The following TOX variants were observed in gnomAD, a reference collection of about 807,000 sequenced individuals.
The protein encoded by TOX is thymocyte selection-associated high mobility group box protein TOX.
TOX carries 11 observed loss-of-function variants against 53.7 expected under a neutral mutation model. The ratio of observed to expected loss-of-function variants is 0.20; its 90% CI spans 0.13 to 0.34. TOX has a LOEUF of 0.34. TOX is among the 10% of genes least tolerant of loss of function. The pLI, the probability that TOX is intolerant of heterozygous loss-of-function variation, is 1.00. For synonymous variants in TOX, 225 were observed against 245.3 expected (o/e 0.92, Z 0.77); for missense variants, 570 against 664.6 (o/e 0.86, Z 1.56).
chr8:59,098,769 A>G (rs1804756153), intron 1 of TOX, among the ~76,000 whole-genome samples: 1 of 152,182 alleles, frequency 6.6e-6, no homozygotes, highest in Admixed American at 6.5e-5. Context: ...GTCCTCCTGT[A>G]GCATCCTCCT....
rs187061810 is a variant in TOX at position 58,915,734 on chromosome 8, T to A, written c.411+23568A>T. On this transcript the variant is annotated intron_variant, in intron 3 of 8. Transcript: ENST00000361421. ...TTTCACGAGCTGAGAGAAGAAGGCTTCAGACGATCAAATTACTCTGAACTA... is the reference window on the plus strand; with the variant it reads ...TTTCACGAGCTGAGAGAAGAAGGCTACAGACGATCAAATTACTCTGAACTA... Among the ~76,000 whole-genome samples the A allele has an allele frequency of 1.4e-4, 21 of 152,076 alleles. No homozygotes were observed. The East Asian group carries it at 3.1e-3, about 22-fold the overall frequency.
At chr8:58,815,799 T>C (rs1333415747) in intron 6 of TOX, 75 bp from the exon 7 acceptor site, 2 of 1,483,080 alleles carry the variant, frequency 1.3e-6, no homozygotes, top group African/African-American at 1.4e-5. Context: ...GCTTTGTGAG[T>C]TTATTAAAGC....
chr8:58,826,769 G>T, intron 6 of TOX, 53 bp downstream of exon 6: 3 of 1,498,832 alleles, frequency 2.0e-6, no homozygotes, highest in Non-Finnish European at 9.0e-7. Context: ...GACTATCAAA[G>T]TCTGCGCCGA....
chr8:58,943,324 C>G (rs936958199), intron 2 of TOX, among the ~76,000 whole-genome samples: 2 of 152,084 alleles, frequency 1.3e-5, no homozygotes, highest in Admixed American at 1.3e-4. Context: ...GAAGAGAAGC[C>G]CTGATTAGAC....
At chr8:58,998,794 C>G (rs1585953245) in intron 1 of TOX, among the ~76,000 whole-genome samples, 1 of 151,896 alleles carries the variant, frequency 6.6e-6, no homozygotes, top group East Asian at 1.9e-4. Context: ...TTCAGATAGT[C>G]TTCCTATTTT....
intron 1 of TOX, among the ~76,000 whole-genome samples, chr8:59,083,911 C>T (rs1804460526): frequency 2.0e-5 from 3 of 152,124 alleles, no homozygotes; most frequent in Admixed American, 2.0e-4. Context: ...ACATTTTTAA[C>T]TTTAAGTTAA....
intron 1 of TOX, among the ~76,000 whole-genome samples, chr8:59,052,482 T>C (rs1414692115): frequency 6.6e-6 from 1 of 152,228 alleles, no homozygotes; most frequent in Non-Finnish European, 1.5e-5. Flanking sequence ...TTTATAACTT[T>C]CTTAACTTTC....
At chr8:58,903,012 G>A (rs1811755101) in intron 3 of TOX, among the ~76,000 whole-genome samples, 1 of 152,168 alleles carries the variant, frequency 6.6e-6, no homozygotes, top group African/African-American at 2.4e-5. Flanking sequence ...TCATGAAAAT[G>A]AGAATAGTTG....
At chr8:58,840,149 T>C (rs826733) in intron 4 of TOX, among the ~76,000 whole-genome samples, 134,982 of 152,236 alleles carry the variant, frequency 0.89, 59,942 homozygotes, top group African/African-American at 0.95. Flanking sequence ...AAGATATACC[T>C]AAGCACCGAA....
intron 3 of TOX, among the ~76,000 whole-genome samples, chr8:58,923,017 T>A (rs1348242853): frequency 3.3e-5 from 5 of 152,062 alleles, no homozygotes; most frequent in Non-Finnish European, 7.4e-5. Flanking sequence ...TGTGACTAGC[T>A]CGGTGAGGGG....
chr8:58,831,128 C>T (rs963995155), intron 5 of TOX, among the ~76,000 whole-genome samples: 2 of 152,090 alleles, frequency 1.3e-5, no homozygotes, highest in Non-Finnish European at 1.5e-5. Context: ...GCTATGGATT[C>T]CTTTTGAGGA....
intron 3 of TOX, among the ~76,000 whole-genome samples, chr8:58,924,482 A>G (rs1196467699): frequency 6.6e-6 from 1 of 152,260 alleles, no homozygotes; most frequent in Non-Finnish European, 1.5e-5. Flanking sequence ...TCTTGTGGAC[A>G]TAACCCTAAT....
intron 1 of TOX, among the ~76,000 whole-genome samples, chr8:59,103,657 G>GA (rs1056094860): frequency 1.3e-5 from 2 of 152,168 alleles, no homozygotes; most frequent in Admixed American, 1.3e-4. Flanking sequence ...CACTCCAGTG[G>GA]AAAAGTTGGA....
At chr8:59,035,998 G>A (rs1356161428) in intron 1 of TOX, among the ~76,000 whole-genome samples, 2 of 152,224 alleles carry the variant, frequency 1.3e-5, no homozygotes, top group African/African-American at 2.4e-5. Context: ...TGACCACACA[G>A]CTTCAAGAGG....
chr8:58,835,889 C>T (rs1418756682), intron 5 of TOX, among the ~76,000 whole-genome samples: 2 of 152,086 alleles, frequency 1.3e-5, no homozygotes, highest in African/African-American at 4.8e-5. Context: ...CACAAACGAG[C>T]CTTGAAACAA....
At chr8:58,908,103 C>T (rs1360035258) in intron 3 of TOX, among the ~76,000 whole-genome samples, 1 of 152,066 alleles carries the variant, frequency 6.6e-6, no homozygotes, top group Admixed American at 6.5e-5. Flanking sequence ...TTCCCAGAGC[C>T]CCCGCCATAG....
intron 7 of TOX, chr8:58,814,702 A>T (rs1368348380): frequency 6.6e-6 from 1 of 152,266 alleles, no homozygotes; most frequent in Non-Finnish European, 1.5e-5. Context: ...AAGAAAAGTT[A>T]AGCTAAAATT....
chr8:59,112,759 G>A (rs1805037965), intron 1 of TOX, among the ~76,000 whole-genome samples: 2 of 152,132 alleles, frequency 1.3e-5, no homozygotes, highest in Admixed American at 6.5e-5. Context: ...ACTACAGTTA[G>A]GATCATGAGA....
At chr8:58,887,517 T>C (rs1811488855) in intron 3 of TOX, among the ~76,000 whole-genome samples, 2 of 151,964 alleles carry the variant, frequency 1.3e-5, no homozygotes, top group Non-Finnish European at 2.9e-5. Flanking sequence ...TATATTTTTA[T>C]AGAATTTTCA....
Sources: gnomAD v4.1 joint callset for allele counts (sites outside exome capture counted in the v4.1 genomes callset) on GRCh38, gnomAD v4.1.1 for gene constraint, MANE v1.5 for transcripts, NCBI Gene and HGNC (gene_info 2026-07-23, HGNC 2026-07-21) for gene names.